B3GLCT: variants seen among roughly 807,000 people sequenced by gnomAD.
B3GLCT encodes beta 3-glucosyltransferase, also known as beta-1,3-glucosyltransferase.
A neutral mutation model predicts 63.4 loss-of-function variants in B3GLCT; 65 were observed. The ratio of observed to expected loss-of-function variants is 1.03; its 90% CI spans 0.84 to 1.26. The LOEUF (loss-of-function observed/expected upper bound fraction) is 1.26. B3GLCT is among the 50% of genes most tolerant of loss of function. B3GLCT has a pLI of 0.00. For missense variants in B3GLCT, 577 were observed against 604.8 expected, an observed-to-expected ratio of 0.95 and a Z score of 0.48; for synonymous variants, 233 against 219.2, an observed-to-expected ratio of 1.06 and a Z score of -0.55.
chr13:31,313,387 A>G (rs1365707279), intron 12 of B3GLCT, among the ~76,000 whole-genome samples: 1 of 152,258 alleles, frequency 6.6e-6, no homozygotes. Context: ...GTCATGGACA[A>G]TAAACTACAG....
intron 4 of B3GLCT, among the ~76,000 whole-genome samples, chr13:31,242,213 C>T (rs564997555): frequency 1.3e-5 from 2 of 152,264 alleles, no homozygotes; most frequent in South Asian, 4.2e-4. Context: ...CATGATCCCT[C>T]GTGCAGCAGA....
intron 13 of B3GLCT, among the ~76,000 whole-genome samples, chr13:31,317,930 A>G (rs1875138852): frequency 8.4e-6 from 1 of 118,710 alleles, no homozygotes; most frequent in Admixed American, 8.4e-5. Flanking sequence ...GTCCCTAACA[A>G]TGGTTGCTTC....
chr13:31,287,455 T>C (rs1305906587), intron 12 of B3GLCT, among the ~76,000 whole-genome samples: 1 of 152,168 alleles, frequency 6.6e-6, no homozygotes, highest in South Asian at 2.1e-4. Context: ...AACCCTAGAC[T>C]AAGCACTTTT....
rs1165860520 is a variant in B3GLCT at position 31,229,292 on chromosome 13, C to G, written c.268C>G (p.Gln90Glu). Residue 90 changes from glutamine (Q) to glutamate (E), a missense_variant and splice_region_variant, in exon 4 of 15, where the codon CAG (glutamine) becomes GAG (glutamate). By Grantham distance (29) the Gln-to-Glu change is conservative. Coordinates refer to ENST00000343307, the MANE Select transcript of B3GLCT (RefSeq NM_194318.4). Reference protein sequence around the residue: ...SILKQAADLTQELPSVLLLHQ... With the variant: ...SILKQAADLTEELPSVLLLHQ... ...CTTAAAGCAGGCTGCAGATCTTACA[C>G]AGGTACGTAGCGATGGCTGGGGGGT... The G allele has an allele frequency of 6.3e-7, 1 of 1,583,688 alleles. No individual in the cohort carries two copies. The highest frequency in any genetic ancestry group is 1.7e-5 in the Admixed American group (1 of 59,966).
At position 31,284,769 on chromosome 13, in the gene B3GLCT, A is replaced by G; in HGVS notation, c.964+8A>G. On this transcript the variant is annotated splice_region_variant and intron_variant, in intron 11 of 14. Coordinates refer to ENST00000343307, the MANE Select transcript of B3GLCT (RefSeq NM_194318.4). ...TTCCTAATACAGATAGAGGTGAGTC[A>G]TAATTCTTACTACTCTCCTTATTAA... The G allele has an allele frequency of 7.3e-7, 1 of 1,375,554 alleles. No individual in the cohort carries two copies. Among genetic ancestry groups the G allele is most frequent in the African/African-American group, 1.4e-5 (1 of 70,280 alleles). The allele number at this position is 1,375,554 out of a possible 1,614,324, so 85.2% of individuals were successfully genotyped here.
At chr13:31,256,544 T>C (rs574379308) in intron 6 of B3GLCT, among the ~76,000 whole-genome samples, 1 of 152,258 alleles carries the variant, frequency 6.6e-6, no homozygotes, top group African/African-American at 2.4e-5. Context: ...AGTGATAGAC[T>C]GGATAAAGAA....
At chr13:31,200,254 C>G (rs1292278099) in intron 1 of B3GLCT, 100 bp downstream of exon 1, 5 of 626,748 alleles carry the variant, frequency 8.0e-6, no homozygotes, top group South Asian at 7.2e-5. Flanking sequence ...GCAGGGCGGC[C>G]CAGCCCTGCC....
rs1266518286 is a variant in B3GLCT, at chr13:31,306,702, C to T, written c.1065-10864C>T. Among the ~76,000 whole-genome samples, 2 of 9,386 alleles carry T rather than the reference C, an allele frequency of 2.1e-4. 1 individual carries two copies. Among genetic ancestry groups the T allele is most frequent in the African/African-American group, 2.5e-4 (2 of 8,008 alleles). The allele number at this position is 9,386 out of a possible 152,430, so 6.2% of individuals were successfully genotyped here. On this transcript the variant is annotated intron_variant, in intron 12 of 14. Transcript: ENST00000343307. ...AAGAGGACATAAACAAATGGAAGAA[C>T]ATTCCATGCTCATGGGTAGGAAGAA...
At position 31,284,630 on chromosome 13, in the gene B3GLCT, C is replaced by A; in HGVS notation, c.851-18C>A. ...TGTGTAACTGTGCCAGTGATTGTCACCTCTGTAATTTTTTCAGTACCTATT... is the reference window on the plus strand; with the variant it reads ...TGTGTAACTGTGCCAGTGATTGTCAACTCTGTAATTTTTTCAGTACCTATT... On this transcript the variant is annotated intron_variant, in intron 10 of 14. Transcript: ENST00000343307. 7.3e-7 allele frequency: 1 copy of A among 1,368,680 alleles called. No homozygotes were observed. Among genetic ancestry groups the A allele is most frequent in the Non-Finnish European group, 1.0e-6 (1 of 956,470 alleles). The allele number at this position is 1,368,680 out of a possible 1,614,324, so 84.8% of individuals were successfully genotyped here. A position where few individuals can be genotyped will look rare whatever the true frequency, so the allele number is the denominator to read the frequency against.
intron 14 of B3GLCT, among the ~76,000 whole-genome samples, chr13:31,326,202 G>C (rs1288594487): frequency 6.6e-6 from 1 of 150,636 alleles, no homozygotes; most frequent in East Asian, 1.9e-4. Flanking sequence ...ATCTCCATTT[G>C]CTGCCCTGTT....
chr13:31,246,954 T>TTCC (rs200933165), intron 4 of B3GLCT, 69 bp from the exon 5 acceptor site: 1 of 868,766 alleles, frequency 1.2e-6, no homozygotes, highest in African/African-American at 1.9e-5. Context: ...TTCTTTTCTT[T>TTCC]TTTTTTTTTT....
chr13:31,256,272 G>A (rs189199360), intron 6 of B3GLCT, among the ~76,000 whole-genome samples: 124 of 152,254 alleles, frequency 8.1e-4, no homozygotes, highest in African/African-American at 2.2e-3. Flanking sequence ...CATTAAAAAG[G>A]AAACAACAGA....
At chr13:31,233,433 A>T (rs897671466) in intron 4 of B3GLCT, among the ~76,000 whole-genome samples, 25 of 149,760 alleles carry the variant, frequency 1.7e-4, no homozygotes, top group African/African-American at 6.2e-4. Flanking sequence ...AACAAAATTA[A>T]AAAAAAAAAT....
chr13:31,311,233 A>G (rs1366641996), intron 12 of B3GLCT: 1 of 152,260 alleles, frequency 6.6e-6, no homozygotes. Flanking sequence ...TATATGTATT[A>G]GTCCATTTTT....
At chr13:31,276,912 A>G in intron 10 of B3GLCT, 141 bp downstream of exon 10, 2 of 710,702 alleles carry the variant, frequency 2.8e-6, no homozygotes, top group East Asian at 2.7e-5. Context: ...TTATTTAATC[A>G]ATACTCCTCA....
chr13:31,224,355 T>G lies in B3GLCT; in HGVS notation c.160+1364T>G, dbSNP rs148620109. Among the ~76,000 whole-genome samples, 1,045 of 152,344 alleles carry G rather than the reference T, an allele frequency of 6.9e-3. 10 individuals carry two copies. The highest frequency in any genetic ancestry group is 0.024 in the African/African-American group (1,007 of 41,578). On this transcript the variant is annotated intron_variant, in intron 3 of 14. Transcript: ENST00000343307. The stretch of plus-strand genomic sequence containing the variant: ...ATTAAATGAATTAATGATGCAAGTC[T>G]GGAACATGGGCTTGAAACTACAAAG...
intron 6 of B3GLCT, among the ~76,000 whole-genome samples, chr13:31,252,052 G>A (rs1451049899): frequency 6.6e-6 from 1 of 152,152 alleles, no homozygotes; most frequent in Admixed American, 6.5e-5. Context: ...AAGAGAGTGT[G>A]TGCCAATATG....
At chr13:31,233,011 A>G (rs188897720) in intron 4 of B3GLCT, among the ~76,000 whole-genome samples, 29 of 152,328 alleles carry the variant, frequency 1.9e-4, no homozygotes, top group Non-Finnish European at 2.8e-4. Flanking sequence ...ATGCACACAC[A>G]TGCTGTATTA....
intron 12 of B3GLCT, among the ~76,000 whole-genome samples, chr13:31,313,403 G>A (rs898130264): frequency 6.6e-6 from 1 of 152,206 alleles, no homozygotes; most frequent in Admixed American, 6.5e-5. Context: ...TACAGGTTGA[G>A]GTGATGTCAG....
Sources: allele counts gnomAD v4.1 joint callset (sites outside exome capture counted in the v4.1 genomes callset), GRCh38; gene constraint gnomAD v4.1.1; transcripts MANE v1.5; gene names NCBI Gene and HGNC (gene_info 2026-07-23, HGNC 2026-07-21).